Variants in DOCK11 observed in about 807,000 individuals in gnomAD.
DOCK11 encodes dedicator of cytokinesis 11.
In DOCK11, 70 loss-of-function variants were observed where a neutral mutation model predicts 169.1. The observed-to-expected ratio is 0.41, with a 90% CI of 0.34 to 0.51. The LOEUF (loss-of-function observed/expected upper bound fraction) is 0.51, where lower values mean the gene tolerates loss of function less well. Ranked by LOEUF, DOCK11 falls within the 20% of genes least tolerant of loss-of-function variation. The pLI is 0.10. For synonymous variants in DOCK11, 529 were observed against 541.3 expected (o/e 0.98, Z 0.32); for missense variants, 1,166 against 1,538.8 (o/e 0.76, Z 4.05).
chrX:118,500,168 C>T (rs1188595941), intron 1 of DOCK11, among the ~76,000 whole-genome samples: 1 of 109,606 alleles, frequency 9.1e-6, no homozygotes. Context: ...CCCGCCTCAG[C>T]CTCCCGAGTA....
intron 16 of DOCK11, among the ~76,000 whole-genome samples, chrX:118,586,788 A>G (rs1203810763): frequency 1.8e-5 from 2 of 112,074 alleles, no homozygotes; most frequent in African/African-American, 6.5e-5. Context: ...TTGCATGAAC[A>G]GAAGGGAATC....
intron 32 of DOCK11, 76 bp downstream of exon 32, chrX:118,624,731 A>T: frequency 2.0e-6 from 1 of 511,580 alleles, no homozygotes; most frequent in Non-Finnish European, 3.2e-6. Flanking sequence ...CATATGCTAT[A>T]TGATCTCAAC....
chrX:118,631,779 C>G (rs2015248570), intron 35 of DOCK11, among the ~76,000 whole-genome samples: 1 of 110,569 alleles, frequency 9.0e-6, no homozygotes, highest in South Asian at 3.8e-4. Context: ...CACCACAGCC[C>G]AAAGAATGAG....
chrX:118,564,816 G>A (rs907751687), intron 7 of DOCK11, among the ~76,000 whole-genome samples: 1 of 108,034 alleles, frequency 9.3e-6, no homozygotes, highest in Admixed American at 1.0e-4. Context: ...GAGTGCAGTG[G>A]CATGATCATA....
intron 46 of DOCK11, among the ~76,000 whole-genome samples, chrX:118,674,879 T>C (rs1410374061): frequency 8.9e-6 from 1 of 112,225 alleles, no homozygotes; most frequent in Non-Finnish European, 1.9e-5. Context: ...TCCTAGTGCA[T>C]GTGAAGTGGC....
intron 1 of DOCK11, among the ~76,000 whole-genome samples, chrX:118,521,695 G>A (rs954318634): frequency 1.8e-5 from 2 of 112,021 alleles, no homozygotes; most frequent in African/African-American, 3.2e-5. Flanking sequence ...CAAAAGCCAC[G>A]TCTATTCTAA....
rs1286318288 is a variant in DOCK11, at chrX:118,675,840, G to T, written c.5200-96G>T. 2.6e-5 allele frequency: 13 copies of T among 505,639 alleles called. No individual in the cohort carries two copies. In the South Asian group the frequency reaches 4.6e-4, roughly 18 times the overall value. The allele number at this position is 505,639 out of a possible 1,213,427, so 41.7% of individuals were successfully genotyped here. A position where few individuals can be genotyped will look rare whatever the true frequency, so the allele number is the denominator to read the frequency against. On this transcript the variant is annotated intron_variant, in intron 46 of 52. Transcript: ENST00000276202. ...GGCCCCACCAAGACCATTTTGAAAAGAATATACTGGTGCTTTTTATTTTTG... is the reference window on the plus strand; with the variant it reads ...GGCCCCACCAAGACCATTTTGAAAATAATATACTGGTGCTTTTTATTTTTG...
intron 31 of DOCK11, among the ~76,000 whole-genome samples, chrX:118,619,299 C>T (rs2014903163): frequency 9.5e-6 from 1 of 105,120 alleles, no homozygotes; most frequent in Non-Finnish European, 2.0e-5. Flanking sequence ...CATGGTGAAA[C>T]CTCATCTCTA....
intron 38 of DOCK11, among the ~76,000 whole-genome samples, chrX:118,640,783 A>G (rs1161932289): frequency 1.3e-5 from 1 of 76,841 alleles, no homozygotes; most frequent in Non-Finnish European, 2.4e-5. Context: ...AGTTAAATAC[A>G]GTATGACACT....
At chrX:118,647,793 T>A (rs1446937132) in intron 40 of DOCK11, among the ~76,000 whole-genome samples, 3 of 29,388 alleles carry the variant, frequency 1.0e-4, no homozygotes, top group Non-Finnish European at 1.0e-4. Context: ...TATAATATAT[T>A]ATAATATATA....
intron 8 of DOCK11, 23 bp from the exon 9 acceptor site, chrX:118,566,551 A>G: frequency 8.3e-7 from 1 of 1,199,736 alleles, no homozygotes; most frequent in Non-Finnish European, 1.1e-6. Flanking sequence ...GGTTTAGAAC[A>G]TCTGCTTTTA....
chrX:118,495,864 A>G lies in DOCK11; in HGVS notation c.-108A>G. The G allele has an allele frequency of 6.2e-6, 2 of 320,045 alleles. No individual in the cohort carries two copies. The highest frequency in any genetic ancestry group is 8.7e-6 in the Non-Finnish European group (2 of 228,776). The allele number at this position is 320,045 out of a possible 1,213,427, so 26.4% of individuals were successfully genotyped here. A position where few individuals can be genotyped will look rare whatever the true frequency, so the allele number is the denominator to read the frequency against. On this transcript the variant is annotated 5_prime_UTR_variant, in exon 1 of 53. Transcript: ENST00000276202. Reference sequence around the variant, plus strand: ...CTGCGATGTGGCCGGCCGGCCGGCGAGTAAACAGAGGGAGCAGCAGCGGCC... The same window carrying G: ...CTGCGATGTGGCCGGCCGGCCGGCGGGTAAACAGAGGGAGCAGCAGCGGCC...
Position 118,634,452 on chromosome X carries a change from G to A in DOCK11, c.3887-1894G>A, listed in dbSNP as rs778814753. Reference sequence around the variant, plus strand: ...TTTACCCCTTTCACAGACCTTCTCCGAAGCTACCTTAGGACATGGGGCGAG... The same window carrying A: ...TTTACCCCTTTCACAGACCTTCTCCAAAGCTACCTTAGGACATGGGGCGAG... On this transcript the variant is annotated intron_variant, in intron 35 of 52. Transcript: ENST00000276202. Among the ~76,000 whole-genome samples the A allele has an allele frequency of 9.8e-5, 11 of 112,635 alleles. No homozygotes were observed. In the East Asian group the frequency reaches 2.2e-3, roughly 23 times the overall value.
Position 118,647,975 on chromosome X carries a change from TATAATATATA to T in DOCK11, c.4399-956_4399-947del, listed in dbSNP as rs1335153221. ...TAATAATATATAATATATAATTATA[TATAATATATA>T]ATAATATATAATATATTATTATAAT... On this transcript the variant is annotated intron_variant, in intron 40 of 52. Transcript: ENST00000276202. 7.2e-4 allele frequency among the ~76,000 whole-genome samples: 36 copies of T among 49,729 alleles called. No homozygotes were observed. The Admixed American group carries it at 0.012, about 16-fold the overall frequency. The allele number at this position is 49,729 out of a possible 115,157, so 43.2% of individuals were successfully genotyped here. A position where few individuals can be genotyped will look rare whatever the true frequency, so the allele number is the denominator to read the frequency against.
At chrX:118,515,421 C>T (rs1603025096) in intron 1 of DOCK11, among the ~76,000 whole-genome samples, 2 of 110,663 alleles carry the variant, frequency 1.8e-5, no homozygotes, top group Non-Finnish European at 1.9e-5. Flanking sequence ...TTAGTAGAGA[C>T]GGGGTTTCTT....
chrX:118,617,853 A>C (rs1471555432), intron 30 of DOCK11, among the ~76,000 whole-genome samples: 1 of 112,102 alleles, frequency 8.9e-6, no homozygotes, highest in Non-Finnish European at 1.9e-5. Context: ...ACTGAGCTCC[A>C]GCCTGGGCAA....
At chrX:118,498,934 C>T (rs1257578677) in intron 1 of DOCK11, among the ~76,000 whole-genome samples, 2 of 111,469 alleles carry the variant, frequency 1.8e-5, no homozygotes, top group Non-Finnish European at 3.8e-5. Flanking sequence ...AATCTATTAA[C>T]TAACTACATA....
intron 14 of DOCK11, among the ~76,000 whole-genome samples, chrX:118,583,615 G>C (rs1224743079): frequency 9.1e-6 from 1 of 110,432 alleles, no homozygotes; most frequent in East Asian, 2.8e-4. Context: ...TTAAAAATGG[G>C]AGAAGAGGAG....
intron 6 of DOCK11, among the ~76,000 whole-genome samples, chrX:118,558,253 A>G (rs1434151442): frequency 9.0e-6 from 1 of 110,783 alleles, no homozygotes; most frequent in Non-Finnish European, 1.9e-5. Context: ...GATTAGAGGC[A>G]TGAACCACCG....
Sources: gnomAD v4.1 joint callset for allele counts (sites outside exome capture counted in the v4.1 genomes callset) on GRCh38, gnomAD v4.1.1 for gene constraint, MANE v1.5 for transcripts, NCBI Gene and HGNC (gene_info 2026-07-23, HGNC 2026-07-21) for gene names.